Variants in RBFOX1 observed in about 807,000 individuals in gnomAD.
The protein encoded by RBFOX1 is RNA binding fox-1 homolog 1, also known as RNA binding protein fox-1 homolog 1.
A neutral mutation model predicts 57.7 loss-of-function variants in RBFOX1; 8 were observed. The observed-to-expected ratio is 0.14, with a 90% CI of 0.08 to 0.25. The LOEUF (loss-of-function observed/expected upper bound fraction) is 0.25. Among genes scored for constraint, RBFOX1 ranks in the 10% least tolerant of loss-of-function variants. The pLI is 1.00. For missense variants in RBFOX1, 611 were observed against 548.5 expected (o/e 1.11, Z -1.14); for synonymous variants, 326 against 222.4 (o/e 1.47, Z -4.15).
chr16:5,549,539 G>A (rs1451727166), intron 2 of RBFOX1, among the ~76,000 whole-genome samples: 1 of 152,194 alleles, frequency 6.6e-6, no homozygotes, highest in African/African-American at 2.4e-5. Flanking sequence ...AGATGATACA[G>A]TCAGTTCTGT....
rs1051139383 is a variant in RBFOX1, at chr16:5,409,326, C to G, written c.220-57890C>G. 2.0e-5 allele frequency among the ~76,000 whole-genome samples: 3 copies of G among 152,236 alleles called. No homozygotes were observed. In the South Asian group the frequency reaches 6.2e-4, roughly 31 times the overall value. On this transcript the variant is annotated intron_variant, in intron 1 of 2. Coordinates refer to the RBFOX1 transcript ENST00000585867. Reference sequence around the variant, plus strand: ...CAGGTGTGTCCACTCCTAGAGCTCACTGACCTCCTTCAAGGTGGTGTCTCA... The same window carrying G: ...CAGGTGTGTCCACTCCTAGAGCTCAGTGACCTCCTTCAAGGTGGTGTCTCA...
At chr16:5,405,379 A>G (rs1198197951) in intron 1 of RBFOX1, among the ~76,000 whole-genome samples, 5 of 152,160 alleles carry the variant, frequency 3.3e-5, no homozygotes, top group Non-Finnish European at 5.9e-5. Flanking sequence ...TGATCCGATG[A>G]TTTTATAAAA....
intron 3 of RBFOX1, among the ~76,000 whole-genome samples, chr16:5,710,348 G>A (rs1270503298): frequency 6.6e-6 from 1 of 152,120 alleles, no homozygotes; most frequent in Non-Finnish European, 1.5e-5. Context: ...GTTAAATGTA[G>A]GGATGGCTGC....
chr16:6,806,986 A>C (rs2086998691), intron 3 of RBFOX1, among the ~76,000 whole-genome samples: 1 of 151,310 alleles, frequency 6.6e-6, no homozygotes, highest in African/African-American at 2.4e-5. Flanking sequence ...GGCACGTCTC[A>C]CCACGTCCAG....
At chr16:6,923,440 G>A (rs2074925576) in intron 3 of RBFOX1, among the ~76,000 whole-genome samples, 1 of 152,154 alleles carries the variant, frequency 6.6e-6, no homozygotes, top group Non-Finnish European at 1.5e-5. Context: ...GGCTGAGGAA[G>A]GAGAGTTGCT....
chr16:7,219,902 A>C (rs1375434778), intron 4 of RBFOX1, among the ~76,000 whole-genome samples: 1 of 152,230 alleles, frequency 6.6e-6, no homozygotes, highest in Non-Finnish European at 1.5e-5. Flanking sequence ...AATCTGTTGG[A>C]TCAAAAAATA....
At position 7,218,636 on chromosome 16, in the gene RBFOX1, G is replaced by A. The variant is rs761762707; in HGVS notation, c.27+166538G>A. On this transcript the variant is annotated intron_variant, in intron 4 of 15. Transcript: ENST00000550418. ...GGGTTTGTGGGGGTTTGCTGTGTGT[G>A]TGTGTGTGTGTGTGTGTGTGTGTGT... 2.4e-5 allele frequency among the ~76,000 whole-genome samples: 3 copies of A among 123,970 alleles called. No homozygotes were observed. In the Admixed American group the frequency reaches 2.5e-4, roughly 10 times the overall value. The allele number at this position is 123,970 out of a possible 152,430, so 81.3% of individuals were successfully genotyped here. A position where few individuals can be genotyped will look rare whatever the true frequency, so the allele number is the denominator to read the frequency against.
intron 3 of RBFOX1, among the ~76,000 whole-genome samples, chr16:5,674,937 A>G (rs1443687542): frequency 6.6e-6 from 1 of 152,142 alleles, no homozygotes; most frequent in South Asian, 2.1e-4. Context: ...GCTCGATCCC[A>G]GGAGTTTGAA....
intron 3 of RBFOX1, among the ~76,000 whole-genome samples, chr16:6,904,096 T>C (rs112493145): frequency 8.3e-4 from 126 of 152,296 alleles, no homozygotes; most frequent in Non-Finnish European, 1.4e-3. Context: ...CGGATGCTCT[T>C]ATTCACCACC....
At chr16:6,953,111 G>C (rs28483180) in intron 3 of RBFOX1, among the ~76,000 whole-genome samples, 103,566 of 152,034 alleles carry the variant, frequency 0.68, 36,203 homozygotes, top group African/African-American at 0.85. Flanking sequence ...TTGAAGGTCT[G>C]CGACTGAGTA....
chr16:7,490,639 T>C (rs1267016467), intron 4 of RBFOX1, among the ~76,000 whole-genome samples: 1 of 152,202 alleles, frequency 6.6e-6, no homozygotes, highest in Non-Finnish European at 1.5e-5. Flanking sequence ...GAAGGAACCA[T>C]GAGGAAGAAA....
chr16:5,402,608 T>TAC (rs2066746017), intron 1 of RBFOX1, among the ~76,000 whole-genome samples: 1 of 152,238 alleles, frequency 6.6e-6, no homozygotes, highest in African/African-American at 2.4e-5. Context: ...ATTCCAAGTA[T>TAC]ACAGTCATAT....
chr16:7,489,367 A>G (rs565885478), intron 4 of RBFOX1, among the ~76,000 whole-genome samples: 14 of 152,216 alleles, frequency 9.2e-5, no homozygotes, highest in Admixed American at 2.6e-4. Flanking sequence ...GCAAATATTA[A>G]TCTCTTAATA....
chr16:6,174,519 C>T (rs747790283), intron 1 of RBFOX1, among the ~76,000 whole-genome samples: 1 of 152,090 alleles, frequency 6.6e-6, no homozygotes, highest in Admixed American at 6.6e-5. Flanking sequence ...CGCTTGAACC[C>T]AGGAGGTGGA....
chr16:7,491,084 C>T (rs543782708), intron 4 of RBFOX1, among the ~76,000 whole-genome samples: 8 of 152,240 alleles, frequency 5.3e-5, no homozygotes, highest in African/African-American at 1.7e-4. Flanking sequence ...CTTACCGTAC[C>T]TGCACCCACA....
At chr16:6,639,989 C>G (rs549227893) in intron 2 of RBFOX1, among the ~76,000 whole-genome samples, 4 of 152,288 alleles carry the variant, frequency 2.6e-5, no homozygotes, top group Admixed American at 1.3e-4. Context: ...AGTACTAACA[C>G]TAACACCCAT....
intron 2 of RBFOX1, among the ~76,000 whole-genome samples, chr16:6,486,849 T>A (rs2095494512): frequency 6.6e-6 from 1 of 152,104 alleles, no homozygotes; most frequent in Non-Finnish European, 1.5e-5. Flanking sequence ...ATGAGAAGAA[T>A]TTTACAATTA....
intron 10 of RBFOX1, among the ~76,000 whole-genome samples, chr16:7,617,994 C>A (rs1239396349): frequency 8.8e-6 from 1 of 113,786 alleles, no homozygotes; most frequent in Admixed American, 1.0e-4. Flanking sequence ...CTTTAGAATC[C>A]ATTGAGAAAA....
At chr16:6,102,750 A>G (rs1415871382) in intron 1 of RBFOX1, among the ~76,000 whole-genome samples, 1 of 152,176 alleles carries the variant, frequency 6.6e-6, no homozygotes, top group Admixed American at 6.5e-5. Flanking sequence ...GACTTGGTGA[A>G]TCACAGCTGT....
Sources: allele counts gnomAD v4.1 joint callset (sites outside exome capture counted in the v4.1 genomes callset), GRCh38; gene constraint gnomAD v4.1.1; transcripts MANE v1.5; gene names NCBI Gene and HGNC (gene_info 2026-07-23, HGNC 2026-07-21).